The following SHISA9 variants were observed in gnomAD, a reference collection of about 807,000 sequenced individuals.
The protein encoded by SHISA9 is protein shisa-9.
SHISA9 carries 13 observed loss-of-function variants against 38.0 expected under a neutral mutation model. The ratio of observed to expected loss-of-function variants is 0.34; its 90% CI spans 0.22 to 0.54. SHISA9 has a LOEUF of 0.54. Among genes scored for constraint, SHISA9 ranks in the 20% least tolerant of loss-of-function variants. The pLI, the probability that SHISA9 is intolerant of heterozygous loss-of-function variation, is 0.91. For missense variants in SHISA9, 538 were observed against 575.8 expected (o/e 0.93, Z 0.67); for synonymous variants, 275 against 242.0 (o/e 1.14, Z -1.27).
At chr16:13,374,556 A>C in the SHISA9 span, among the ~76,000 whole-genome samples, 5 of 152,206 alleles carry the variant, frequency 3.3e-5, no homozygotes, top group Non-Finnish European at 5.9e-5. Flanking sequence ...TTCTTAATCC[A>C]GTCTATCATT....
chr16:13,493,889 G>C, the SHISA9 span, among the ~76,000 whole-genome samples: 4 of 152,062 alleles, frequency 2.6e-5, no homozygotes, highest in Non-Finnish European at 5.9e-5. Context: ...TAATTGGGCA[G>C]AGAATCAGAA....
the SHISA9 span, among the ~76,000 whole-genome samples, chr16:13,482,714 C>A: frequency 6.6e-6 from 1 of 151,206 alleles, no homozygotes. Context: ...GGCAGGAGAA[C>A]CACTTGTGCC....
chr16:13,100,018 A>T (rs1455254172), intron 2 of SHISA9, among the ~76,000 whole-genome samples: 1 of 152,162 alleles, frequency 6.6e-6, no homozygotes, highest in Non-Finnish European at 1.5e-5. Context: ...ACTCAGCAGG[A>T]GGTCTGGGGA....
At chr16:13,341,692 A>G in the SHISA9 span, among the ~76,000 whole-genome samples, 15 of 152,240 alleles carry the variant, frequency 9.9e-5, no homozygotes, top group South Asian at 2.9e-3. Context: ...TTGTTTCTCC[A>G]TTTTAAACAC....
At chr16:13,488,869 C>G in the SHISA9 span, among the ~76,000 whole-genome samples, 2 of 152,228 alleles carry the variant, frequency 1.3e-5, no homozygotes. Flanking sequence ...TCACGCCATT[C>G]TCCTGCCTCA....
intron 2 of SHISA9, among the ~76,000 whole-genome samples, chr16:12,985,571 C>G (rs567225353): frequency 6.6e-6 from 1 of 152,260 alleles, no homozygotes; most frequent in East Asian, 1.9e-4. Flanking sequence ...AGGAGCTCAT[C>G]CAGAAGTGAA....
chr16:13,313,262 A>AAAAAAAAAAC, the SHISA9 span, among the ~76,000 whole-genome samples: 3 of 140,742 alleles, frequency 2.1e-5, no homozygotes, highest in East Asian at 2.1e-4. Context: ...CTCAAAAAAA[A>AAAAAAAAAAC]AAAAAAAAAA....
chr16:13,064,286 A>T (rs368921036), intron 2 of SHISA9, among the ~76,000 whole-genome samples: 206 of 152,314 alleles, frequency 1.4e-3, no homozygotes, highest in African/African-American at 4.7e-3. Flanking sequence ...TGTGCTAGGT[A>T]CTTTTATAGA....
At chr16:13,264,826 G>C in the SHISA9 span, among the ~76,000 whole-genome samples, 6 of 152,092 alleles carry the variant, frequency 3.9e-5, no homozygotes, top group Non-Finnish European at 7.4e-5. Context: ...TTCCCAAAGA[G>C]AGAAATCAAT....
chr16:13,087,147 C>CA (rs2073720814), intron 2 of SHISA9, among the ~76,000 whole-genome samples: 10 of 81,628 alleles, frequency 1.2e-4, no homozygotes, highest in Non-Finnish European at 1.6e-4. Flanking sequence ...ATGAACTCGT[C>CA]TTTTTTTTTT....
chr16:12,916,788 G>A lies in SHISA9; in HGVS notation c.664G>A (p.Asp222Asn), dbSNP rs1388128107. ...CCACGTCCAGCATTATGAGAACATG[G>A]ACACGAGAACCCCCATAAATAATCT... ...VVHVQHYENM[D>N]TRTPINNLHA... is the part of the protein sequence containing the mutation. Residue 222 changes from aspartate to asparagine, a missense_variant, in exon 2 of 5, where the codon GAC becomes AAC. Around this residue, in one of 4 missense-constraint regions of SHISA9, gnomAD observed 326 missense variants for 305.9 expected, o/e 1.07. Transcript: ENST00000558583. The A allele has an allele frequency of 5.8e-6, 9 of 1,551,712 alleles. No homozygotes were observed. The South Asian group carries it at 9.5e-5, about 16-fold the overall frequency.
At chr16:12,912,003 T>C (rs2071190363) in intron 1 of SHISA9, among the ~76,000 whole-genome samples, 2 of 152,254 alleles carry the variant, frequency 1.3e-5, no homozygotes, top group Admixed American at 1.3e-4. Context: ...ATAATTGCCA[T>C]ACAGGCAGCA....
intron 2 of SHISA9, among the ~76,000 whole-genome samples, chr16:13,092,198 G>A (rs557756643): frequency 2.8e-3 from 419 of 152,312 alleles, no homozygotes; most frequent in Non-Finnish European, 4.4e-3. Flanking sequence ...TGGAAGCTTC[G>A]TCCGAGAGGG....
At chr16:13,216,964 G>A (rs2142069219) in intron 4 of SHISA9, among the ~76,000 whole-genome samples, 2 of 152,208 alleles carry the variant, frequency 1.3e-5, no homozygotes, top group East Asian at 3.9e-4. Context: ...CCACCCACCT[G>A]TCACACCTGT....
intron 2 of SHISA9, among the ~76,000 whole-genome samples, chr16:13,175,768 G>T (rs112212403): frequency 1.3e-5 from 2 of 152,220 alleles, no homozygotes; most frequent in Non-Finnish European, 2.9e-5. Context: ...CCCAATGCTA[G>T]TAGCCTCCCC....
chr16:13,481,758 A>G, the SHISA9 span, among the ~76,000 whole-genome samples: 1 of 152,258 alleles, frequency 6.6e-6, no homozygotes, highest in South Asian at 2.1e-4. Flanking sequence ...TCATTGCCAC[A>G]GTGATGAGGA....
the SHISA9 span, among the ~76,000 whole-genome samples, chr16:13,273,849 A>G: frequency 6.6e-6 from 1 of 152,174 alleles, no homozygotes; most frequent in Non-Finnish European, 1.5e-5. Context: ...ATTTTCATGA[A>G]TTATCAAAGT....
At chr16:13,120,629 A>G (rs1200721005) in intron 2 of SHISA9, among the ~76,000 whole-genome samples, 1 of 152,216 alleles carries the variant, frequency 6.6e-6, no homozygotes, top group African/African-American at 2.4e-5. Context: ...GAGACAGGAA[A>G]ATGCTGAGAG....
chr16:13,108,744 A>C (rs777558064), intron 2 of SHISA9, among the ~76,000 whole-genome samples: 6 of 152,188 alleles, frequency 3.9e-5, no homozygotes, highest in Non-Finnish European at 8.8e-5. Context: ...GAAATATTGA[A>C]TTTGATTTGA....
Sources: allele counts gnomAD v4.1 joint callset (sites outside exome capture counted in the v4.1 genomes callset), GRCh38; gene constraint gnomAD v4.1.1; regional missense constraint gnomAD v4.1.1; transcripts MANE v1.5; gene names NCBI Gene and HGNC (gene_info 2026-07-23, HGNC 2026-07-21).